The following DNAH6 variants were observed in gnomAD, a reference collection of about 807,000 sequenced individuals.
The protein encoded by DNAH6 is dynein axonemal heavy chain 6.
In DNAH6, 340 loss-of-function variants were observed where a neutral mutation model predicts 491.4. The observed-to-expected ratio is 0.69, with a 90% confidence interval of 0.63 to 0.76. The LOEUF (loss-of-function observed/expected upper bound fraction) is 0.76. Ranked by LOEUF, DNAH6 falls within the 30% of genes least tolerant of loss-of-function variation. The pLI is 0.00. For synonymous variants in DNAH6, 1,603 were observed against 1,686.1 expected (o/e 0.95, Z 1.21); for missense variants, 4,443 against 4,972.2 (o/e 0.89, Z 3.20).
chr2:84,552,783 G>T, intron 9 of DNAH6, 135 bp from the exon 10 acceptor site: 1 of 464,842 alleles, frequency 2.2e-6, no homozygotes, highest in South Asian at 5.1e-5. Flanking sequence ...ATTATTCTCT[G>T]AAACACTTTC....
At chr2:84,812,142 A>T (rs1680046270) in intron 72 of DNAH6, among the ~76,000 whole-genome samples, 199 bp from the exon 73 acceptor site, 1 of 152,182 alleles carries the variant, frequency 6.6e-6, no homozygotes, top group Admixed American at 6.5e-5. Context: ...GCCACCCTCA[A>T]GTGTTACACC....
intron 51 of DNAH6, among the ~76,000 whole-genome samples, chr2:84,704,759 A>G (rs562839992): frequency 1.1e-4 from 17 of 152,366 alleles, no homozygotes; most frequent in Admixed American, 9.8e-4. Context: ...TAAAAGCTGC[A>G]CTAAACACTT....
chr2:84,601,119 A>G (rs1478150371), intron 18 of DNAH6, among the ~76,000 whole-genome samples: 2 of 150,750 alleles, frequency 1.3e-5, no homozygotes, highest in Non-Finnish European at 3.0e-5. Context: ...GGAAATATAC[A>G]AGATGAACCT....
chr2:84,718,401 T>C lies in DNAH6; in HGVS notation c.9792+17T>C. The C allele has an allele frequency of 6.6e-7, 1 of 1,510,474 alleles. No individual in the cohort carries two copies. The highest frequency in any genetic ancestry group is 8.9e-7 in the Non-Finnish European group (1 of 1,129,542). 93.6% of individuals were successfully genotyped at this position (1,510,474 alleles called of 1,614,324 possible). ...GATTCAAAGGCAAGTAAAATATTTT[T>C]AGTACTTATGGAAAGTATGTTACTT... is the stretch of plus-strand genomic sequence containing the variant. On this transcript the variant is annotated intron_variant, in intron 59 of 76. Coordinates refer to ENST00000389394, the MANE Select transcript of DNAH6 (RefSeq NM_001370.2).
chr2:84,601,493 G>GTTCTAACAT (rs2104255333), intron 18 of DNAH6, among the ~76,000 whole-genome samples: 1 of 152,040 alleles, frequency 6.6e-6, no homozygotes, highest in African/African-American at 2.4e-5. Flanking sequence ...AAGATTCCTT[G>GTTCTAACAT]TTCTAACATT....
At chr2:84,649,218 G>A (rs548523103) in intron 33 of DNAH6, among the ~76,000 whole-genome samples, 2 of 152,302 alleles carry the variant, frequency 1.3e-5, no homozygotes, top group East Asian at 3.9e-4. Context: ...AAATTCATAT[G>A]AGTTGCTTTA....
chr2:84,598,729 T>G (rs1161784704), intron 18 of DNAH6, among the ~76,000 whole-genome samples: 1 of 152,136 alleles, frequency 6.6e-6, no homozygotes, highest in Non-Finnish European at 1.5e-5. Context: ...TGGATAGTAG[T>G]GTCTTAAAAT....
chr2:84,602,736 A>T (rs78145744), intron 18 of DNAH6, among the ~76,000 whole-genome samples: 2 of 141,550 alleles, frequency 1.4e-5, no homozygotes, highest in Non-Finnish European at 3.1e-5. Context: ...TTCTCCTTCT[A>T]TGATTTCTGT....
chr2:84,507,839 C>T, the DNAH6 span, among the ~76,000 whole-genome samples: 2 of 152,134 alleles, frequency 1.3e-5, no homozygotes, highest in Non-Finnish European at 2.9e-5. Context: ...TGGTTTTTGT[C>T]TTTGGTTCTG....
At chr2:84,497,977 C>A in the DNAH6 span, among the ~76,000 whole-genome samples, 1 of 152,214 alleles carries the variant, frequency 6.6e-6, no homozygotes, top group African/African-American at 2.4e-5. Flanking sequence ...CTTGGCCCTT[C>A]CCAGCCCTTC....
intron 73 of DNAH6, 41 bp downstream of exon 73, chr2:84,812,567 G>A: frequency 6.6e-7 from 1 of 1,517,804 alleles, no homozygotes; most frequent in Non-Finnish European, 8.9e-7. Flanking sequence ...GAATCTGATG[G>A]CATAGTTGGC....
At chr2:84,614,070 G>A (rs1368035088) in intron 22 of DNAH6, among the ~76,000 whole-genome samples, 1 of 151,892 alleles carries the variant, frequency 6.6e-6, no homozygotes, top group Non-Finnish European at 1.5e-5. Context: ...AACAGGTGGT[G>A]TATGGTTCTA....
chr2:84,554,292 G>A (rs770590878), intron 10 of DNAH6, among the ~76,000 whole-genome samples: 2 of 152,088 alleles, frequency 1.3e-5, no homozygotes, highest in African/African-American at 2.4e-5. Context: ...GCTGCATCAC[G>A]TAACCTAATC....
chr2:84,555,379 ACTC>A (rs1679915710), intron 10 of DNAH6, among the ~76,000 whole-genome samples: 1 of 150,714 alleles, frequency 6.6e-6, no homozygotes, highest in South Asian at 2.1e-4. Context: ...ATTGAAATAG[ACTC>A]CTCCTCTGGT....
chr2:84,535,821 C>CTA (rs1473504064), intron 4 of DNAH6, among the ~76,000 whole-genome samples: 1 of 151,840 alleles, frequency 6.6e-6, no homozygotes, highest in Admixed American at 6.6e-5. Flanking sequence ...TTAGTAACTG[C>CTA]TAGACAACAG....
chr2:84,660,832 A>G (rs1691432294), intron 37 of DNAH6, among the ~76,000 whole-genome samples: 1 of 152,178 alleles, frequency 6.6e-6, no homozygotes, highest in Non-Finnish European at 1.5e-5. Flanking sequence ...AATAAACTGG[A>G]CTATATTCTT....
chr2:84,661,947 A>G (rs1199158166), intron 37 of DNAH6, among the ~76,000 whole-genome samples: 1 of 152,194 alleles, frequency 6.6e-6, no homozygotes, highest in Non-Finnish European at 1.5e-5. Flanking sequence ...TATCAAATAG[A>G]CAAACTAGTA....
the DNAH6 span, among the ~76,000 whole-genome samples, chr2:84,491,127 C>T: frequency 2.1e-3 from 324 of 152,288 alleles, 1 homozygote; most frequent in African/African-American, 7.6e-3. Flanking sequence ...ATCTAGGAAA[C>T]TGTCCAGGAG....
chr2:84,499,651 C>G, the DNAH6 span, among the ~76,000 whole-genome samples: 1 of 152,130 alleles, frequency 6.6e-6, no homozygotes, highest in African/African-American at 2.4e-5. Flanking sequence ...AATTTGGATT[C>G]CCGCCATCAC....
Sources: gnomAD v4.1 joint callset for allele counts (sites outside exome capture counted in the v4.1 genomes callset) on GRCh38, gnomAD v4.1.1 for gene constraint, MANE v1.5 for transcripts, NCBI Gene and HGNC (gene_info 2026-07-23, HGNC 2026-07-21) for gene names.